PPFIA2: variants seen among roughly 807,000 people sequenced by gnomAD.
The protein encoded by PPFIA2 is liprin-alpha-2.
Under a neutral mutation model 175.5 loss-of-function variants are expected in PPFIA2, and 46 were observed. The observed-to-expected ratio is 0.26, with a 90% confidence interval of 0.21 to 0.34. The LOEUF (loss-of-function observed/expected upper bound fraction) is 0.34. Ranked by LOEUF, PPFIA2 falls within the 10% of genes least tolerant of loss-of-function variation. The pLI, the probability that PPFIA2 is intolerant of heterozygous loss-of-function variation, is 1.00. For synonymous variants in PPFIA2, 568 were observed against 511.4 expected (o/e 1.11, Z -1.49); for missense variants, 1,179 against 1,506.1 (o/e 0.78, Z 3.60).
intron 8 of PPFIA2, among the ~76,000 whole-genome samples, chr12:81,396,246 C>T (rs2041114779): frequency 1.3e-5 from 2 of 152,036 alleles, no homozygotes; most frequent in African/African-American, 2.4e-5. Context: ...GGTACCTGAG[C>T]TTCATCAGGA....
chr12:81,667,472 A>T (rs1318992355), intron 4 of PPFIA2, among the ~76,000 whole-genome samples: 3 of 152,050 alleles, frequency 2.0e-5, no homozygotes, highest in African/African-American at 7.2e-5. Context: ...TGGTGCTCAC[A>T]CCATCTGACT....
At chr12:81,284,426 C>A (rs550688309) in intron 24 of PPFIA2, 123 bp from the exon 25 acceptor site, 1 of 701,614 alleles carries the variant, frequency 1.4e-6, no homozygotes, top group Non-Finnish European at 2.5e-6. Flanking sequence ...TTGCCCCTAC[C>A]GTGTGCATGA....
chr12:81,417,885 AC>A (rs1182848254), intron 7 of PPFIA2, among the ~76,000 whole-genome samples: 1 of 151,838 alleles, frequency 6.6e-6, no homozygotes, highest in African/African-American at 2.4e-5. Context: ...CTCACTGTAG[AC>A]AGGACACTCT....
At chr12:81,517,769 C>T (rs1385928798) in intron 4 of PPFIA2, among the ~76,000 whole-genome samples, 2 of 152,122 alleles carry the variant, frequency 1.3e-5, no homozygotes, top group African/African-American at 2.4e-5. Context: ...AGTTATGAAA[C>T]TCTCTTAGTT....
intron 8 of PPFIA2, 26 bp downstream of exon 8, chr12:81,405,761 G>T: frequency 8.1e-7 from 1 of 1,231,686 alleles, no homozygotes; most frequent in Non-Finnish European, 1.1e-6. Context: ...ACATTTCCAT[G>T]TAAGAGCATG....
intron 4 of PPFIA2, among the ~76,000 whole-genome samples, chr12:81,571,043 T>C (rs2153413587): frequency 6.6e-6 from 1 of 152,220 alleles, no homozygotes. Flanking sequence ...ACAACTTGCA[T>C]TTGATTTTTT....
intron 4 of PPFIA2, among the ~76,000 whole-genome samples, chr12:81,588,936 CAT>C (rs2075653986): frequency 6.6e-6 from 1 of 152,006 alleles, no homozygotes; most frequent in South Asian, 2.1e-4. Context: ...ATACCTGAAA[CAT>C]AGAGTTATTT....
intron 7 of PPFIA2, among the ~76,000 whole-genome samples, chr12:81,434,730 T>A (rs1448850326): frequency 6.6e-6 from 1 of 152,110 alleles, no homozygotes; most frequent in Non-Finnish European, 1.5e-5. Flanking sequence ...ATATTAACTA[T>A]GATTACTATT....
intron 4 of PPFIA2, among the ~76,000 whole-genome samples, chr12:81,583,770 G>A (rs2074772251): frequency 1.3e-5 from 2 of 151,864 alleles, no homozygotes; most frequent in African/African-American, 4.8e-5. Context: ...TCCACAGTAT[G>A]TTTTAGAACT....
chr12:81,696,605 C>A (rs1435450246), intron 3 of PPFIA2, among the ~76,000 whole-genome samples: 1 of 152,034 alleles, frequency 6.6e-6, no homozygotes, highest in East Asian at 1.9e-4. Flanking sequence ...CGAATGGGGA[C>A]CTCATTGAAC....
intron 5 of PPFIA2, among the ~76,000 whole-genome samples, chr12:81,448,779 C>T (rs544985340): frequency 6.6e-6 from 1 of 152,162 alleles, no homozygotes; most frequent in African/African-American, 2.4e-5. Context: ...TCTCACTTCA[C>T]CTTCGCTTTC....
chr12:81,385,564 G>A (rs1330976465), intron 8 of PPFIA2, among the ~76,000 whole-genome samples: 2 of 152,140 alleles, frequency 1.3e-5, no homozygotes, highest in African/African-American at 4.8e-5. Flanking sequence ...TGACAACATG[G>A]ATGAGCCTGG....
intron 21 of PPFIA2, among the ~76,000 whole-genome samples, chr12:81,327,996 T>A (rs551356286): frequency 2.4e-4 from 36 of 152,296 alleles, no homozygotes; most frequent in African/African-American, 8.7e-4. Context: ...AGTAAAGCTA[T>A]TTTTAAGCAA....
intron 13 of PPFIA2, among the ~76,000 whole-genome samples, chr12:81,367,398 G>A (rs2141403221): frequency 6.6e-6 from 1 of 151,584 alleles, no homozygotes; most frequent in East Asian, 1.9e-4. Context: ...ACACTTGAAT[G>A]AACAAATGAA....
chr12:81,448,934 A>G (rs1435542284), intron 5 of PPFIA2, among the ~76,000 whole-genome samples: 1 of 152,192 alleles, frequency 6.6e-6, no homozygotes, highest in Non-Finnish European at 1.5e-5. Flanking sequence ...TAATCAGAAA[A>G]CCTTCTCCCA....
chr12:81,743,444 A>AAC (rs2082608212), intron 3 of PPFIA2, among the ~76,000 whole-genome samples: 1 of 142,580 alleles, frequency 7.0e-6, no homozygotes, highest in Admixed American at 7.2e-5. Context: ...AAAAAAAAAA[A>AAC]ACTTTTGCTG....
intron 22 of PPFIA2, among the ~76,000 whole-genome samples, chr12:81,311,426 G>A (rs74103957): frequency 0.022 from 3,418 of 152,162 alleles, 140 homozygotes; most frequent in African/African-American, 0.079. Flanking sequence ...ACATAACACA[G>A]GTGGAACATT....
chr12:81,663,577 TA>T (rs2069416244), intron 4 of PPFIA2, among the ~76,000 whole-genome samples: 1 of 152,128 alleles, frequency 6.6e-6, no homozygotes, highest in Non-Finnish European at 1.5e-5. Flanking sequence ...TGCTCATGGA[TA>T]GGAAGAATCA....
chr12:81,263,509 T>C, intron 30 of PPFIA2, 119 bp from the exon 31 acceptor site: 1 of 811,362 alleles, frequency 1.2e-6, no homozygotes, highest in Non-Finnish European at 1.8e-6. Context: ...CAAGTATACG[T>C]ATGGAATCAC....
Sources: gnomAD v4.1 joint callset for allele counts (sites outside exome capture counted in the v4.1 genomes callset) on GRCh38, gnomAD v4.1.1 for gene constraint, MANE v1.5 for transcripts, NCBI Gene and HGNC (gene_info 2026-07-23, HGNC 2026-07-21) for gene names.